ZIC2: variants seen among roughly 807,000 people sequenced by gnomAD.
The protein encoded by ZIC2 is Zic family zinc finger 2.
ZIC2 carries 7 observed loss-of-function variants against 29.5 expected under a neutral mutation model. The ratio of observed to expected loss-of-function variants is 0.24; its 90% CI spans 0.14 to 0.45. ZIC2 has a LOEUF of 0.45. Ranked by LOEUF, ZIC2 falls within the 20% of genes least tolerant of loss-of-function variation. The pLI, the probability that ZIC2 is intolerant of heterozygous loss-of-function variation, is 1.00. For synonymous variants in ZIC2, 408 were observed against 354.2 expected (o/e 1.15, Z -1.70); for missense variants, 589 against 781.2 (o/e 0.75, Z 2.93).
In ZIC2 at chr13:99,986,440, T is replaced by G. The variant is rs2053270520; in HGVS notation, c.*758T>G. ...GCTGGGTTTACATGTGATGTTTTAG[T>G]GCTTTTGCAAGTTCAATTTGTTAGT... On this transcript the variant is annotated 3_prime_UTR_variant, in exon 3 of 3. Transcript: ENST00000376335. 1 of 155,488 alleles carries G rather than the reference T, an allele frequency of 6.4e-6. No homozygotes were observed. Among genetic ancestry groups the G allele is most frequent in the Admixed American group, 6.4e-5 (1 of 15,658 alleles). The allele number at this position is 155,488 out of a possible 1,614,324, so 9.6% of individuals were successfully genotyped here.
In ZIC2 at chr13:99,985,146, C is replaced by T; in HGVS notation, c.1239+37C>T. Reference sequence around the variant, plus strand: ...GCGGCCGGGAGGAGGGCGAGGCAGGCCGAGGCGCCGGTGCAGCACTGGCCC... The same window carrying T: ...GCGGCCGGGAGGAGGGCGAGGCAGGTCGAGGCGCCGGTGCAGCACTGGCCC... On this transcript the variant is annotated intron_variant, in intron 2 of 2. Transcript: ENST00000376335. This position sits in a 1 kb window ranked among gnomAD's most constrained non-coding sequence, Gnocchi z 6.3. The T allele has an allele frequency of 6.2e-7, 1 of 1,613,350 alleles. No individual in the cohort carries two copies. The highest frequency in any genetic ancestry group is 8.5e-7 in the Non-Finnish European group (1 of 1,179,608).
intron 1 of ZIC2, chr13:99,984,677 G>A (rs1000605540): frequency 1.0e-5 from 5 of 483,386 alleles, no homozygotes; most frequent in Non-Finnish European, 1.9e-5. Context: ...AGGCAGGCAG[G>A]GCTAGGAGCT....
chr13:99,985,740 C>A lies in ZIC2; in HGVS notation c.*58C>A. The A allele has an allele frequency of 1.9e-6, 2 of 1,069,822 alleles. No individual in the cohort carries two copies. Among genetic ancestry groups the A allele is most frequent in the East Asian group, 4.8e-5 (1 of 21,000 alleles). 66.3% of individuals were successfully genotyped at this position (1,069,822 alleles called of 1,614,324 possible). On this transcript the variant is annotated 3_prime_UTR_variant, in exon 3 of 3. Transcript: ENST00000376335. This position sits in a 1 kb window ranked among gnomAD's most constrained non-coding sequence, Gnocchi z 6.3. ...CACCCCAGCGCAGCAGCCCTCCCCG[C>A]AGCTAGCAGCGAGGGCACCTTGTGA...
chr13:99,982,972 T>C lies in ZIC2; in HGVS notation c.908T>C (p.Phe303Ser). 6.2e-7 allele frequency: 1 copy of C among 1,614,018 alleles called. No homozygotes were observed. The highest frequency in any genetic ancestry group is 8.5e-7 in the Non-Finnish European group (1 of 1,179,990). ...CCGGAGCAGAGCAACCACGTCTGCTTCTGGGAGGAGTGTCCGCGCGAGGGC... is the reference window on the plus strand; with the variant it reads ...CCGGAGCAGAGCAACCACGTCTGCTCCTGGGAGGAGTGTCCGCGCGAGGGC... ...GGPEQSNHVC[F>S]WEECPREGKP... Residue 303 changes from phenylalanine to serine, a missense_variant, in exon 1 of 3, where the codon TTC becomes TCC. Physicochemically the swap from Phe to Ser is radical, Grantham distance 155. Around this residue, in one of 7 missense-constraint regions of ZIC2, gnomAD observed 33 missense variants for 106.0 expected, o/e 0.31. Coordinates refer to ENST00000376335, the MANE Select transcript of ZIC2 (RefSeq NM_007129.5).
chr13:99,982,461 G>A lies in ZIC2; in HGVS notation c.397G>A (p.Gly133Ser). 1 of 1,426,838 alleles carries A rather than the reference G, an allele frequency of 7.0e-7. No individual in the cohort carries two copies. 88.4% of individuals were successfully genotyped at this position (1,426,838 alleles called of 1,614,324 possible). The change falls in exon 1 of 3, where the codon GGC (glycine) becomes AGC (serine). Residue 133 changes from glycine to serine, a missense_variant. Physicochemically the swap from Gly to Ser is moderately conservative, Grantham distance 56 (BLOSUM62 0). Coordinates refer to ENST00000376335, the MANE Select transcript of ZIC2 (RefSeq NM_007129.5). ...SRGFGDSAPG[G>S]GQHGLFGPGA... The stretch of plus-strand genomic sequence containing the variant: ...CGGCTTCGGGGACTCGGCGCCGGGC[G>A]GCGGGCAGCACGGGCTGTTCGGGCC...
At position 99,985,132 on chromosome 13, in the gene ZIC2, G is replaced by A. The variant is rs2053257386; in HGVS notation, c.1239+23G>A. 1 of 1,613,890 alleles carries A rather than the reference G, an allele frequency of 6.2e-7. No homozygotes were observed. Among genetic ancestry groups the A allele is most frequent in the South Asian group, 1.1e-5 (1 of 91,084 alleles). Reference sequence around the variant, plus strand: ...AAGGTACCACCGCGGCGGCCGGGAGGAGGGCGAGGCAGGCCGAGGCGCCGG... The same window carrying A: ...AAGGTACCACCGCGGCGGCCGGGAGAAGGGCGAGGCAGGCCGAGGCGCCGG... On this transcript the variant is annotated intron_variant, in intron 2 of 2. Transcript: ENST00000376335. The surrounding 1 kb of genome is among the most constrained non-coding windows in gnomAD (Gnocchi z 6.3).
In ZIC2 at chr13:99,982,756, A is replaced by G. The variant is rs866987376; in HGVS notation, c.692A>G (p.His231Arg). The G allele has an allele frequency of 1.3e-6, 2 of 1,514,840 alleles. No individual in the cohort carries two copies. Among genetic ancestry groups the G allele is most frequent in the South Asian group, 2.4e-5 (2 of 83,452 alleles). The allele number at this position is 1,514,840 out of a possible 1,614,324, so 93.8% of individuals were successfully genotyped here. A position where few individuals can be genotyped will look rare whatever the true frequency, so the allele number is the denominator to read the frequency against. Residue 231 changes from histidine to arginine, a missense_variant, in exon 1 of 3, where the codon CAC (histidine) becomes CGC (arginine). By Grantham distance (29) the His-to-Arg change is conservative (BLOSUM62 0). This residue lies in a region of ZIC2 where 358 missense variants were observed against 382.0 expected (regional missense o/e 0.94). Transcript: ENST00000376335. ...ATGAACATGGCAGCAGCCGCGGCCC[A>G]CCACCACCACCACCACCACCACCAC... ...MGMNMAAAAA[H>R]HHHHHHHHPG...
rs775677243 is a variant in ZIC2 at position 99,985,714 on chromosome 13, C to T, written c.*32C>T. The T allele has an allele frequency of 4.7e-6, 6 of 1,286,384 alleles. No homozygotes were observed. The South Asian group carries it at 6.6e-5, about 14-fold the overall frequency. The allele number at this position is 1,286,384 out of a possible 1,614,324, so 79.7% of individuals were successfully genotyped here. A position where few individuals can be genotyped will look rare whatever the true frequency, so the allele number is the denominator to read the frequency against. The stretch of plus-strand genomic sequence containing the variant: ...GGGGCCTCTCTCCCTCTCCCTGTCC[C>T]CACCCCAGCGCAGCAGCCCTCCCCG... On this transcript the variant is annotated 3_prime_UTR_variant, in exon 3 of 3. Coordinates refer to ENST00000376335, the MANE Select transcript of ZIC2 (RefSeq NM_007129.5). The surrounding 1 kb of genome is among the most constrained non-coding windows in gnomAD (Gnocchi z 6.3).
At position 99,981,826 on chromosome 13, in the gene ZIC2, GC is replaced by G; in HGVS notation, c.-237del. On this transcript the variant is annotated 5_prime_UTR_variant, in exon 1 of 3. Transcript: ENST00000376335. ...CACCTCCTCCTCCTCCTCCCGCGCC[GC>G]CGCCTCCTCCTCCTCTTCCTCTCCG... is the stretch of plus-strand genomic sequence containing the variant. The G allele has an allele frequency of 1.3e-6, 1 of 749,630 alleles. No individual in the cohort carries two copies. Among genetic ancestry groups the G allele is most frequent in the Non-Finnish European group, 2.0e-6 (1 of 508,070 alleles). 46.4% of individuals were successfully genotyped at this position (749,630 alleles called of 1,614,324 possible). A position where few individuals can be genotyped will look rare whatever the true frequency, so the allele number is the denominator to read the frequency against.
At position 99,983,279 on chromosome 13, in the gene ZIC2, C is replaced by CCAG; in HGVS notation, c.1075+145_1075+147dup. On this transcript the variant is annotated intron_variant, in intron 1 of 2. Coordinates refer to ENST00000376335, the MANE Select transcript of ZIC2 (RefSeq NM_007129.5). The surrounding 1 kb of genome is among the most constrained non-coding windows in gnomAD (Gnocchi z 4.7). Reference sequence around the variant, plus strand: ...AGGTGTTTTTGCGTGTACGAAAGAGCCAGCAGCTTGTTTCTGTTGGACGAT... The same window carrying CCAG: ...AGGTGTTTTTGCGTGTACGAAAGAGCCAGCAGCAGCTTGTTTCTGTTGGACGAT... The CCAG allele has an allele frequency of 8.7e-7, 1 of 1,146,530 alleles. No individual in the cohort carries two copies. Among genetic ancestry groups the CCAG allele is most frequent in the Non-Finnish European group, 1.2e-6 (1 of 825,430 alleles). The allele number at this position is 1,146,530 out of a possible 1,614,324, so 71.0% of individuals were successfully genotyped here. A position where few individuals can be genotyped will look rare whatever the true frequency, so the allele number is the denominator to read the frequency against.
At position 99,983,236 on chromosome 13, in the gene ZIC2, C is replaced by T; in HGVS notation, c.1075+97C>T. ...GCCGACGCTGGGCGCAGACCGCCAG[C>T]CGGGGACCTGGGATGGGAGGTGTTT... On this transcript the variant is annotated intron_variant, in intron 1 of 2. Coordinates refer to ENST00000376335, the MANE Select transcript of ZIC2 (RefSeq NM_007129.5). This position sits in a 1 kb window ranked among gnomAD's most constrained non-coding sequence, Gnocchi z 4.7. 6.7e-7 allele frequency: 1 copy of T among 1,502,772 alleles called. No individual in the cohort carries two copies. Among genetic ancestry groups the T allele is most frequent in the Non-Finnish European group, 8.9e-7 (1 of 1,119,884 alleles). The allele number at this position is 1,502,772 out of a possible 1,614,324, so 93.1% of individuals were successfully genotyped here.
At chr13:99,984,841 C>G in intron 1 of ZIC2, 105 bp from the exon 2 acceptor site, 1 of 1,463,890 alleles carries the variant, frequency 6.8e-7, no homozygotes, top group East Asian at 2.4e-5. Context: ...GACCCAGCCC[C>G]CTCAGGTCCT....
chr13:99,982,325 C>T lies in ZIC2; in HGVS notation c.261C>T (p.Gly87=), dbSNP rs1024248405. ...FTSQGPGAYP[G]SAAAAAAAAA... is the part of the protein sequence containing the mutation. ...CGCAGGGCCCCGGCGCCTACCCCGGCTCCGCTGCGGCTGCCGCTGCGGCCG... is the reference window on the plus strand; with the variant it reads ...CGCAGGGCCCCGGCGCCTACCCCGGTTCCGCTGCGGCTGCCGCTGCGGCCG... The change falls in exon 1 of 3, where the codon GGC becomes GGT. Residue 87 remains glycine, a synonymous_variant. Transcript: ENST00000376335. 6.8e-6 allele frequency: 10 copies of T among 1,467,476 alleles called. No homozygotes were observed. Among genetic ancestry groups the T allele is most frequent in the Non-Finnish European group, 9.0e-6 (10 of 1,112,212 alleles). 90.9% of individuals were successfully genotyped at this position (1,467,476 alleles called of 1,614,324 possible).
At chr13:99,984,632 T>A (rs1434999382) in intron 1 of ZIC2, 23 of 403,004 alleles carry the variant, frequency 5.7e-5, no homozygotes, top group Non-Finnish European at 9.9e-5. Flanking sequence ...GAGAGCAACT[T>A]GTTAGAAGCT....
In ZIC2 at chr13:99,983,337, C is replaced by T. The variant is rs1175919167; in HGVS notation, c.1075+198C>T. Among the ~76,000 whole-genome samples the T allele has an allele frequency of 1.3e-5, 2 of 152,208 alleles. No individual in the cohort carries two copies. The highest frequency in any genetic ancestry group is 4.8e-5 in the African/African-American group (2 of 41,446). The stretch of plus-strand genomic sequence containing the variant: ...TTATTGGGCTAGGTTTTTCCATGTG[C>T]GGAAATCGAGTTTTGAATGATTAGC... On this transcript the variant is annotated intron_variant, in intron 1 of 2. Coordinates refer to ENST00000376335, the MANE Select transcript of ZIC2 (RefSeq NM_007129.5). The surrounding 1 kb of genome is among the most constrained non-coding windows in gnomAD (Gnocchi z 4.7).
chr13:99,984,984 C>A lies in ZIC2; in HGVS notation c.1114C>A (p.Arg372=), dbSNP rs767413047. The A allele has an allele frequency of 4.3e-6, 7 of 1,614,150 alleles. No individual in the cohort carries two copies. The highest frequency in any genetic ancestry group is 2.2e-5 in the South Asian group (2 of 91,088). ...PFQCEFEGCD[R]RFANSSDRKK... ...CCAGTGTGAGTTTGAGGGCTGCGAC[C>A]GGCGCTTCGCCAACAGCAGCGACAG... Residue 372 remains arginine, a synonymous_variant, in exon 2 of 3, where the codon CGG becomes AGG. Coordinates refer to ENST00000376335, the MANE Select transcript of ZIC2 (RefSeq NM_007129.5).
At position 99,983,704 on chromosome 13, in the gene ZIC2, G is replaced by A. The variant is rs1234944108; in HGVS notation, c.1075+565G>A. Among the ~76,000 whole-genome samples the A allele has an allele frequency of 6.6e-6, 1 of 152,144 alleles. No homozygotes were observed. Among genetic ancestry groups the A allele is most frequent in the African/African-American group, 2.4e-5 (1 of 41,426 alleles). ...GCCCGTCTCGGGGTGGGTCGCGGGG[G>A]CTTTACTGTGGTTTCGCAGCAGTTT... On this transcript the variant is annotated intron_variant, in intron 1 of 2. Transcript: ENST00000376335. The surrounding 1 kb of genome is among the most constrained non-coding windows in gnomAD (Gnocchi z 4.7).
At position 99,984,778 on chromosome 13, in the gene ZIC2, G is replaced by A. The variant is rs1195295938; in HGVS notation, c.1076-168G>A. The stretch of plus-strand genomic sequence containing the variant: ...AATGAGCAGGACTGTCGGGCGGGAA[G>A]GCGGTTAATTTGATCTTAGTTCTGC... On this transcript the variant is annotated intron_variant, in intron 1 of 2. Transcript: ENST00000376335. 3 of 714,994 alleles carry A rather than the reference G, an allele frequency of 4.2e-6. No individual in the cohort carries two copies. The African/African-American group carries it at 5.3e-5, about 13-fold the overall frequency. The allele number at this position is 714,994 out of a possible 1,614,324, so 44.3% of individuals were successfully genotyped here.
chr13:99,982,454 G>C lies in ZIC2; in HGVS notation c.390G>C (p.Ala130=). 12 of 1,428,090 alleles carry C rather than the reference G, an allele frequency of 8.4e-6. No individual in the cohort carries two copies. The highest frequency in any genetic ancestry group is 1.1e-5 in the Non-Finnish European group (12 of 1,098,218). The allele number at this position is 1,428,090 out of a possible 1,614,324, so 88.5% of individuals were successfully genotyped here. A position where few individuals can be genotyped will look rare whatever the true frequency, so the allele number is the denominator to read the frequency against. Reference sequence around the variant, plus strand: ...GCAGCCGCGGCTTCGGGGACTCGGCGCCGGGCGGCGGGCAGCACGGGCTGT... The same window carrying C: ...GCAGCCGCGGCTTCGGGGACTCGGCCCCGGGCGGCGGGCAGCACGGGCTGT... ...LFRSRGFGDS[A]PGGGQHGLFG... Residue 130 remains alanine (A), a synonymous_variant, in exon 1 of 3, where the codon GCG becomes GCC. Transcript: ENST00000376335.
Sources: gnomAD v4.1 joint callset for allele counts (sites outside exome capture counted in the v4.1 genomes callset) on GRCh38, gnomAD v4.1.1 for gene constraint, gnomAD v4.1.1 regional missense constraint, Gnocchi (gnomAD v3.1) non-coding constraint, MANE v1.5 for transcripts, NCBI Gene and HGNC (gene_info 2026-07-23, HGNC 2026-07-21) for gene names.